Variants in ABHD17C observed in about 807,000 individuals in gnomAD.
The protein encoded by ABHD17C is abhydrolase domain containing 17C, depalmitoylase.
ABHD17C carries 11 observed loss-of-function variants against 27.9 expected under a neutral mutation model. The observed-to-expected ratio is 0.39, with a 90% CI of 0.25 to 0.65. The LOEUF (loss-of-function observed/expected upper bound fraction) is 0.65, where lower values mean the gene tolerates loss of function less well. Among genes scored for constraint, ABHD17C ranks in the 30% least tolerant of loss-of-function variants. ABHD17C has a pLI of 0.45. For missense variants in ABHD17C, 280 were observed against 470.2 expected (o/e 0.60, Z 3.74); for synonymous variants, 233 against 209.1 (o/e 1.11, Z -0.98).
chr15:80,738,480 C>T (rs368962234), intron 1 of ABHD17C, among the ~76,000 whole-genome samples: 8 of 152,198 alleles, frequency 5.3e-5, no homozygotes, highest in African/African-American at 1.9e-4. Flanking sequence ...AGAAGGCAGG[C>T]CCTGATTAAT....
Position 80,695,777 on chromosome 15 carries a change from G to A in ABHD17C, c.348G>A (p.Arg116=). The A allele has an allele frequency of 3.9e-6, 6 of 1,545,976 alleles. No homozygotes were observed. Among genetic ancestry groups the A allele is most frequent in the Non-Finnish European group, 5.2e-6 (6 of 1,152,976 alleles). ...AVEVFFSRTA[R]DNRLGCMFVR... is the part of the protein sequence containing the mutation. ...AGGTCTTCTTCTCGCGCACGGCCCG[G>A]GACAACCGGCTCGGCTGCATGTTCG... Residue 116 remains arginine (R), a synonymous_variant, in exon 1 of 3, where the codon CGG becomes CGA. Coordinates refer to ENST00000258884, the MANE Select transcript of ABHD17C (RefSeq NM_021214.2). This position sits in a 1 kb window ranked among gnomAD's most constrained non-coding sequence, Gnocchi z 4.3.
At chr15:80,726,949 C>T (rs767601370) in intron 1 of ABHD17C, among the ~76,000 whole-genome samples, 1 of 152,146 alleles carries the variant, frequency 6.6e-6, no homozygotes, top group Non-Finnish European at 1.5e-5. Context: ...TAGTTTTCCT[C>T]TGATTGTCTG....
chr15:80,734,907 A>G (rs965639458), intron 1 of ABHD17C, among the ~76,000 whole-genome samples: 11 of 152,378 alleles, frequency 7.2e-5, no homozygotes, highest in African/African-American at 2.6e-4. Context: ...ATTGATTAGC[A>G]GGTATTTCAC....
intron 1 of ABHD17C, among the ~76,000 whole-genome samples, chr15:80,725,852 T>G (rs1406749072): frequency 6.6e-6 from 1 of 151,946 alleles, no homozygotes; most frequent in Non-Finnish European, 1.5e-5. Context: ...TTATATAGGC[T>G]ATTGTTGCTG....
chr15:80,707,759 G>A (rs1894668289), intron 1 of ABHD17C, among the ~76,000 whole-genome samples: 1 of 152,076 alleles, frequency 6.6e-6, no homozygotes, highest in African/African-American at 2.4e-5. Flanking sequence ...GGTGGGGAGG[G>A]GCAGAGAGGC....
chr15:80,695,720 G>T lies in ABHD17C; in HGVS notation c.291G>T (p.Trp97Cys), dbSNP rs1466716420. Residue 97 changes from tryptophan (W) to cysteine (C), a missense_variant, in exon 1 of 3, where the codon TGG (tryptophan) becomes TGT (cysteine). By Grantham distance (215) the Trp-to-Cys change is radical. Transcript: ENST00000258884. This position sits in a 1 kb window ranked among gnomAD's most constrained non-coding sequence, Gnocchi z 4.3. The part of the protein sequence containing the change: ...CSLHLSERAD[W>C]QYSQRELDAV... Reference sequence around the variant, plus strand: ...TGCACCTCAGCGAGCGCGCCGACTGGCAGTACTCGCAGCGCGAGCTGGACG... The same window carrying T: ...TGCACCTCAGCGAGCGCGCCGACTGTCAGTACTCGCAGCGCGAGCTGGACG... 6.5e-7 allele frequency: 1 copy of T among 1,533,278 alleles called. No individual in the cohort carries two copies. Among genetic ancestry groups the T allele is most frequent in the East Asian group, 2.4e-5 (1 of 40,820 alleles). The allele number at this position is 1,533,278 out of a possible 1,614,324, so 95.0% of individuals were successfully genotyped here. A position where few individuals can be genotyped will look rare whatever the true frequency, so the allele number is the denominator to read the frequency against.
chr15:80,748,475 A>G (rs1467571910), intron 1 of ABHD17C, among the ~76,000 whole-genome samples: 1 of 152,124 alleles, frequency 6.6e-6, no homozygotes, highest in Non-Finnish European at 1.5e-5. Context: ...GTTTGGGTAT[A>G]AAATAGTAAC....
rs997125115 is a variant in ABHD17C, at chr15:80,695,594, C to T, written c.165C>T (p.Ser55=). ...CGGAGCAGCGCGGCGCCGGCGCGTCCGCCCCGGCCCCGGCCCAGGCTACCG... is the reference window on the plus strand; with the variant it reads ...CGGAGCAGCGCGGCGCCGGCGCGTCTGCCCCGGCCCCGGCCCAGGCTACCG... ...LAPEQRGAGA[S]APAPAQATAA... is the part of the protein sequence containing the mutation. Residue 55 remains serine, a synonymous_variant, in exon 1 of 3, where the codon TCC becomes TCT. Coordinates refer to ENST00000258884, the MANE Select transcript of ABHD17C (RefSeq NM_021214.2). The surrounding 1 kb of genome is among the most constrained non-coding windows in gnomAD (Gnocchi z 4.3). The T allele has an allele frequency of 3.6e-6, 4 of 1,104,094 alleles. No individual in the cohort carries two copies. The African/African-American group carries it at 5.0e-5, about 14-fold the overall frequency. The allele number at this position is 1,104,094 out of a possible 1,614,324, so 68.4% of individuals were successfully genotyped here. A position where few individuals can be genotyped will look rare whatever the true frequency, so the allele number is the denominator to read the frequency against.
intron 1 of ABHD17C, among the ~76,000 whole-genome samples, chr15:80,699,944 A>G (rs1198999917): frequency 1.3e-5 from 2 of 152,260 alleles, no homozygotes; most frequent in Non-Finnish European, 2.9e-5. Context: ...GGTAAGAAAT[A>G]TAAGTATGTT....
intron 1 of ABHD17C, among the ~76,000 whole-genome samples, chr15:80,712,172 C>T (rs1446100536): frequency 6.6e-6 from 1 of 152,246 alleles, no homozygotes; most frequent in Non-Finnish European, 1.5e-5. Context: ...GGAATGTGAT[C>T]TCCTTGAGGA....
intron 1 of ABHD17C, among the ~76,000 whole-genome samples, chr15:80,723,646 A>C (rs1894929570): frequency 6.6e-6 from 1 of 152,262 alleles, no homozygotes; most frequent in Non-Finnish European, 1.5e-5. Flanking sequence ...GAGAAATATT[A>C]GGTCAAGCGG....
At chr15:80,719,724 T>G (rs949655923) in intron 1 of ABHD17C, among the ~76,000 whole-genome samples, 2 of 152,208 alleles carry the variant, frequency 1.3e-5, no homozygotes, top group African/African-American at 4.8e-5. Flanking sequence ...TAAAAACTGC[T>G]ATATATCTAA....
intron 1 of ABHD17C, among the ~76,000 whole-genome samples, chr15:80,706,449 G>A (rs1894650409): frequency 6.6e-6 from 1 of 152,168 alleles, no homozygotes; most frequent in African/African-American, 2.4e-5. Context: ...AATTTCCAAA[G>A]GAAAAACGAG....
chr15:80,703,765 T>G (rs764277492), intron 1 of ABHD17C, among the ~76,000 whole-genome samples: 1 of 152,200 alleles, frequency 6.6e-6, no homozygotes, highest in African/African-American at 2.4e-5. Flanking sequence ...AAAAATGGAA[T>G]GTTAGAAAAG....
intron 1 of ABHD17C, among the ~76,000 whole-genome samples, chr15:80,723,146 G>C (rs934998919): frequency 6.7e-6 from 1 of 149,922 alleles, no homozygotes; most frequent in Admixed American, 6.7e-5. Flanking sequence ...ATATGTGTGT[G>C]TGTGTGTGTG....
chr15:80,730,777 C>A (rs28456237), intron 1 of ABHD17C, among the ~76,000 whole-genome samples: 4,050 of 152,160 alleles, frequency 0.027, 175 homozygotes, highest in African/African-American at 0.093. Flanking sequence ...TGCTTTGTCT[C>A]TGGTTATTGC....
At chr15:80,739,024 G>A (rs1012301185) in intron 1 of ABHD17C, among the ~76,000 whole-genome samples, 1 of 152,214 alleles carries the variant, frequency 6.6e-6, no homozygotes, top group Admixed American at 6.5e-5. Context: ...AACCTGTTGT[G>A]TGGGAGAAGA....
At position 80,695,849 on chromosome 15, in the gene ABHD17C, C is replaced by T; in HGVS notation, c.420C>T (p.Gly140=). Residue 140 remains glycine (G), a synonymous_variant, in exon 1 of 3, where the codon GGC becomes GGT. Coordinates refer to ENST00000258884, the MANE Select transcript of ABHD17C (RefSeq NM_021214.2). This position sits in a 1 kb window ranked among gnomAD's most constrained non-coding sequence, Gnocchi z 4.3. ...SSRYTLLFSH[G]NAVDLGQMCS... ...GCTACACGCTGCTCTTCTCGCACGG[C>T]AACGCCGTGGACCTGGGCCAGATGT... 1 of 1,593,452 alleles carries T rather than the reference C, an allele frequency of 6.3e-7. No homozygotes were observed. The highest frequency in any genetic ancestry group is 8.5e-7 in the Non-Finnish European group (1 of 1,177,706).
intron 1 of ABHD17C, among the ~76,000 whole-genome samples, chr15:80,725,526 A>G (rs1894960477): frequency 1.3e-5 from 2 of 151,848 alleles, no homozygotes; most frequent in South Asian, 4.2e-4. Flanking sequence ...TTATTTATTT[A>G]TTTAGAGACA....
Sources: allele counts gnomAD v4.1 joint callset (sites outside exome capture counted in the v4.1 genomes callset), GRCh38; gene constraint gnomAD v4.1.1; non-coding constraint Gnocchi (gnomAD v3.1); transcripts MANE v1.5; gene names NCBI Gene and HGNC (gene_info 2026-07-23, HGNC 2026-07-21).